CNTNAP2: variants seen among roughly 807,000 people sequenced by gnomAD.
CNTNAP2 encodes the protein contactin associated protein 2.
In CNTNAP2, 98 loss-of-function variants were observed where a neutral mutation model predicts 155.2. The observed-to-expected ratio is 0.63, with a 90% CI of 0.54 to 0.75. The LOEUF is 0.75. CNTNAP2 is among the 30% of genes least tolerant of loss of function. The probability of loss-of-function intolerance (pLI) is 0.00; values close to 1 mark genes in which losing one functional copy is unlikely to be tolerated. For missense variants in CNTNAP2, 1,727 were observed against 1,688.1 expected, an observed-to-expected ratio of 1.02 and a Z score of -0.40; for synonymous variants, 651 against 631.2, an observed-to-expected ratio of 1.03 and a Z score of -0.47.
intron 4 of CNTNAP2, among the ~76,000 whole-genome samples, chr7:147,105,453 T>C (rs1800746785): frequency 1.3e-5 from 2 of 151,960 alleles, no homozygotes; most frequent in African/African-American, 2.4e-5. Context: ...ATCAGGATAA[T>C]AGAAGAAAAA....
intron 2 of CNTNAP2, among the ~76,000 whole-genome samples, chr7:146,775,890 A>G (rs73457292): frequency 0.037 from 5,683 of 152,136 alleles, 371 homozygotes; most frequent in African/African-American, 0.13. Flanking sequence ...GGAACATAAC[A>G]AAAATGCAGT....
rs141221267 is a variant in CNTNAP2 at position 146,256,997 on chromosome 7, C to T, written c.97+140024C>T. Among the ~76,000 whole-genome samples the T allele has an allele frequency of 1.1e-4, 17 of 152,224 alleles. No homozygotes were observed. The East Asian group carries it at 3.3e-3, about 29-fold the overall frequency. ...CGGAAAACAATTATCCACAATGTTT[C>T]AAAGCATACATTTGGTTTGTTTGTT... On this transcript the variant is annotated intron_variant, in intron 1 of 23. Coordinates refer to ENST00000361727, the MANE Select transcript of CNTNAP2 (RefSeq NM_014141.6).
chr7:147,665,089 C>A (rs563032797), intron 13 of CNTNAP2, among the ~76,000 whole-genome samples: 28 of 152,176 alleles, frequency 1.8e-4, no homozygotes, highest in Non-Finnish European at 4.0e-4. Flanking sequence ...AAAATCCAGA[C>A]CAAATTTTTA....
intron 1 of CNTNAP2, among the ~76,000 whole-genome samples, chr7:146,222,601 T>A (rs189427149): frequency 3.3e-5 from 5 of 151,702 alleles, no homozygotes; most frequent in Admixed American, 6.6e-5. Context: ...TAGGTATATG[T>A]GCATGTGTAT....
chr7:147,891,323 G>C (rs1398189786), intron 13 of CNTNAP2, among the ~76,000 whole-genome samples: 1 of 152,054 alleles, frequency 6.6e-6, no homozygotes, highest in African/African-American at 2.4e-5. Context: ...TCCTTCCGCG[G>C]CCTCCCGAGT....
intron 10 of CNTNAP2, among the ~76,000 whole-genome samples, chr7:147,457,340 A>G (rs1013822518): frequency 6.6e-6 from 1 of 152,146 alleles, no homozygotes; most frequent in African/African-American, 2.4e-5. Flanking sequence ...ATGTGCTTCC[A>G]TTTTGGGTTC....
intron 1 of CNTNAP2, among the ~76,000 whole-genome samples, chr7:146,567,574 T>G (rs1798376705): frequency 6.6e-6 from 1 of 152,208 alleles, no homozygotes; most frequent in African/African-American, 2.4e-5. Flanking sequence ...CACTAAATTA[T>G]CAAGCTATAT....
intron 13 of CNTNAP2, among the ~76,000 whole-genome samples, chr7:147,667,580 G>A (rs1263455493): frequency 1.3e-5 from 2 of 152,104 alleles, no homozygotes; most frequent in Non-Finnish European, 2.9e-5. Context: ...CCAGCAAAAT[G>A]AGAAGTACTA....
chr7:147,096,836 C>T (rs1360161918), intron 4 of CNTNAP2, among the ~76,000 whole-genome samples: 1 of 152,142 alleles, frequency 6.6e-6, no homozygotes, highest in Non-Finnish European at 1.5e-5. Context: ...CCTCCAATGC[C>T]CAAATCACTG....
intron 22 of CNTNAP2, among the ~76,000 whole-genome samples, chr7:148,392,613 A>AGGGAAGTG (rs1258861110): frequency 1.3e-5 from 2 of 152,170 alleles, no homozygotes; most frequent in African/African-American, 4.8e-5. Flanking sequence ...CTCCTCCAAC[A>AGGGAAGTG]GGGAAGTGGG....
intron 20 of CNTNAP2, among the ~76,000 whole-genome samples, chr7:148,256,206 C>G (rs73170578): frequency 0.04 from 6,128 of 152,162 alleles, 137 homozygotes; most frequent in Non-Finnish European, 0.045. Flanking sequence ...CATCCATCAC[C>G]AAAACCGGTC....
chr7:146,575,779 G>A (rs976806623), intron 1 of CNTNAP2, among the ~76,000 whole-genome samples: 4 of 152,172 alleles, frequency 2.6e-5, no homozygotes, highest in Non-Finnish European at 5.9e-5. Context: ...AAAAATATAA[G>A]AATGCAACTT....
chr7:147,951,494 C>T (rs1406964476), intron 14 of CNTNAP2, among the ~76,000 whole-genome samples: 2 of 152,104 alleles, frequency 1.3e-5, no homozygotes, highest in African/African-American at 4.8e-5. Flanking sequence ...AAGGGTGATG[C>T]TGGACAGAAG....
rs576850061 is a variant in CNTNAP2 at position 146,766,414 on chromosome 7, A to T, written c.98-7857A>T. Reference sequence around the variant, plus strand: ...CATTTCATGTAAATTCTTAGAATCAAAATGAGAGGTGGTGAGAACAATTTG... The same window carrying T: ...CATTTCATGTAAATTCTTAGAATCATAATGAGAGGTGGTGAGAACAATTTG... On this transcript the variant is annotated intron_variant, in intron 1 of 23. Coordinates refer to ENST00000361727, the MANE Select transcript of CNTNAP2 (RefSeq NM_014141.6). Among the ~76,000 whole-genome samples the T allele has an allele frequency of 7.9e-5, 12 of 152,152 alleles. 1 individual carries two copies. Among genetic ancestry groups the T allele is most frequent in the Non-Finnish European group, 1.5e-4 (10 of 68,024 alleles).
At chr7:147,445,301 TA>T (rs1300704626) in intron 10 of CNTNAP2, among the ~76,000 whole-genome samples, 1 of 152,214 alleles carries the variant, frequency 6.6e-6, no homozygotes, top group African/African-American at 2.4e-5. Context: ...AGCATTAATT[TA>T]AAAAATATTT....
At chr7:148,164,246 GT>G (rs1014222371) in intron 17 of CNTNAP2, among the ~76,000 whole-genome samples, 3 of 151,626 alleles carry the variant, frequency 2.0e-5, no homozygotes, top group South Asian at 2.1e-4. Flanking sequence ...CCCACCACAG[GT>G]TTTTTTTTAA....
At chr7:147,350,719 C>T (rs1228289126) in intron 9 of CNTNAP2, among the ~76,000 whole-genome samples, 1 of 151,866 alleles carries the variant, frequency 6.6e-6, no homozygotes, top group African/African-American at 2.4e-5. Context: ...CAATATACTG[C>T]AGACATCAGA....
Position 147,366,390 on chromosome 7 carries a change from GT to G in CNTNAP2, c.1499-29218del, listed in dbSNP as rs533317932. Among the ~76,000 whole-genome samples the G allele has an allele frequency of 2.0e-5, 3 of 152,004 alleles. No individual in the cohort carries two copies. The South Asian group carries it at 6.2e-4, about 32-fold the overall frequency. ...CATCAGTTTTCTATTTTAGTAGACT[GT>G]AATTTTTTTCATAATTTTCATAAAA... On this transcript the variant is annotated intron_variant, in intron 9 of 23. Coordinates refer to ENST00000361727, the MANE Select transcript of CNTNAP2 (RefSeq NM_014141.6).
At chr7:148,099,476 G>A (rs1041681523) in intron 15 of CNTNAP2, among the ~76,000 whole-genome samples, 1 of 146,016 alleles carries the variant, frequency 6.8e-6, no homozygotes, top group Non-Finnish European at 1.5e-5. Flanking sequence ...ATGGGCAGTT[G>A]TAGTGTGGAA....
Sources: gnomAD v4.1 joint callset for allele counts (sites outside exome capture counted in the v4.1 genomes callset) on GRCh38, gnomAD v4.1.1 for gene constraint, MANE v1.5 for transcripts, NCBI Gene and HGNC (gene_info 2026-07-23, HGNC 2026-07-21) for gene names.